IL1RAPL1: variants seen among roughly 807,000 people sequenced by gnomAD.
IL1RAPL1 encodes the protein interleukin-1 receptor accessory protein-like 1.
In IL1RAPL1, 3 loss-of-function variants were observed where a neutral mutation model predicts 48.4. The ratio of observed to expected loss-of-function variants is 0.06; its 90% CI spans 0.03 to 0.16. The LOEUF is 0.16. IL1RAPL1 is among the 10% of genes least tolerant of loss of function. The pLI is 1.00. For synonymous variants in IL1RAPL1, 185 were observed against 187.7 expected (o/e 0.99, Z 0.12); for missense variants, 349 against 530.6 (o/e 0.66, Z 3.36).
At chrX:29,501,555 A>G (rs945313903) in intron 5 of IL1RAPL1, among the ~76,000 whole-genome samples, 2 of 111,255 alleles carry the variant, frequency 1.8e-5, no homozygotes, top group African/African-American at 3.3e-5. Context: ...TCCCAGCGCT[A>G]TTTATTGAAG....
intron 2 of IL1RAPL1, among the ~76,000 whole-genome samples, chrX:28,922,106 G>A (rs1247027407): frequency 9.0e-6 from 1 of 111,692 alleles, no homozygotes; most frequent in African/African-American, 3.3e-5. Context: ...TTCTTGTATT[G>A]TAGTTTGAAA....
At chrX:29,064,276 G>C (rs1033538833) in intron 2 of IL1RAPL1, among the ~76,000 whole-genome samples, 1 of 112,234 alleles carries the variant, frequency 8.9e-6, no homozygotes, top group East Asian at 2.8e-4. Flanking sequence ...AGATGAAGAA[G>C]ACAGTTCTTC....
At chrX:29,052,655 T>A (rs1011389480) in intron 2 of IL1RAPL1, among the ~76,000 whole-genome samples, 1 of 108,222 alleles carries the variant, frequency 9.2e-6, no homozygotes, top group African/African-American at 3.4e-5. Context: ...GTAAGTGAGA[T>A]CATTCAATAT....
At chrX:28,708,907 C>T (rs747873154) in intron 1 of IL1RAPL1, among the ~76,000 whole-genome samples, 5 of 111,124 alleles carry the variant, frequency 4.5e-5, no homozygotes, top group South Asian at 7.6e-4. Context: ...GGTGAATATA[C>T]GTCACAAAAA....
At chrX:29,696,593 A>G (rs776765983) in intron 6 of IL1RAPL1, among the ~76,000 whole-genome samples, 1 of 112,062 alleles carries the variant, frequency 8.9e-6, no homozygotes, top group African/African-American at 3.2e-5. Flanking sequence ...CCTAGCATGG[A>G]AGACATCCTG....
intron 1 of IL1RAPL1, among the ~76,000 whole-genome samples, chrX:28,643,284 G>T (rs181528347): frequency 9.0e-6 from 1 of 110,941 alleles, no homozygotes; most frequent in African/African-American, 3.3e-5. Flanking sequence ...CTTGCCACAC[G>T]GACCTCCCCA....
chrX:29,643,218 A>C (rs146949115), intron 5 of IL1RAPL1, among the ~76,000 whole-genome samples: 1,887 of 112,023 alleles, frequency 0.017, 14 homozygotes, highest in Middle Eastern at 0.032. Context: ...CTTCAAAGTC[A>C]CACTTGTATG....
intron 1 of IL1RAPL1, among the ~76,000 whole-genome samples, chrX:28,601,937 T>C (rs1388528306): frequency 9.1e-6 from 1 of 109,422 alleles, no homozygotes; most frequent in Non-Finnish European, 1.9e-5. Flanking sequence ...AAACCCCGTC[T>C]CTACTAAAAA....
intron 3 of IL1RAPL1, among the ~76,000 whole-genome samples, chrX:29,366,553 ATTTTTTTTTTTTTT>A (rs34164964): frequency 3.0e-4 from 11 of 37,257 alleles, no homozygotes; most frequent in African/African-American, 1.1e-3. Context: ...TGATAGGTCA[ATTTTTTTTTTTTTT>A]TTTTTTTTTT....
In IL1RAPL1 at chrX:29,826,808, C is replaced by G. The variant is rs757438462; in HGVS notation, c.779-90656C>G. ...TAATTGATGAATATTTGTGTTATTT[C>G]AGTGGTTTGGTTTTTGTGAATAATG... On this transcript the variant is annotated intron_variant, in intron 6 of 10. Transcript: ENST00000378993. Among the ~76,000 whole-genome samples the G allele has an allele frequency of 7.2e-5, 8 of 111,650 alleles. No homozygotes were observed. The South Asian group carries it at 1.9e-3, about 26-fold the overall frequency.
chrX:29,121,598 A>G (rs1459393690), intron 2 of IL1RAPL1, among the ~76,000 whole-genome samples: 1 of 112,024 alleles, frequency 8.9e-6, no homozygotes, highest in Non-Finnish European at 1.9e-5. Context: ...AAACAGCAGC[A>G]GCAACAATAA....
intron 1 of IL1RAPL1, among the ~76,000 whole-genome samples, chrX:28,728,930 C>T (rs978602834): frequency 1.3e-4 from 15 of 111,228 alleles, no homozygotes; most frequent in Admixed American, 4.8e-4. Flanking sequence ...CTCTAAAAGT[C>T]TTTTTCCTTA....
At chrX:29,118,793 AT>A (rs1320080132) in intron 2 of IL1RAPL1, among the ~76,000 whole-genome samples, 1 of 111,827 alleles carries the variant, frequency 8.9e-6, no homozygotes, top group Admixed American at 9.6e-5. Flanking sequence ...TTTAAAAAAA[AT>A]GAATTTGTTT....
At chrX:28,637,456 G>A (rs778773980) in intron 1 of IL1RAPL1, among the ~76,000 whole-genome samples, 44 of 111,587 alleles carry the variant, frequency 3.9e-4, no homozygotes, top group Non-Finnish European at 7.3e-4. Flanking sequence ...AATAATGTAA[G>A]CTTCATGCAA....
rs1930621464 is a variant in IL1RAPL1 at position 29,204,394 on chromosome X, T to C, written c.83-78544T>C. ...CTTGCCACCATCCACTGTTTTTGTC[T>C]TTTTGATGATAGCCATTTTAACTGG... On this transcript the variant is annotated intron_variant, in intron 2 of 10. Transcript: ENST00000378993. Among the ~76,000 whole-genome samples, 4 of 111,948 alleles carry C rather than the reference T, an allele frequency of 3.6e-5. No homozygotes were observed. In the South Asian group the frequency reaches 1.5e-3, roughly 42 times the overall value.
intron 2 of IL1RAPL1, among the ~76,000 whole-genome samples, chrX:29,252,132 G>A (rs1361297518): frequency 8.4e-5 from 9 of 107,275 alleles, no homozygotes; most frequent in South Asian, 4.0e-4. Context: ...AGGGGAGGGG[G>A]GAGGGATAGC....
At chrX:29,285,081 T>C (rs1602151693) in intron 3 of IL1RAPL1, among the ~76,000 whole-genome samples, 2 of 112,174 alleles carry the variant, frequency 1.8e-5, no homozygotes, top group East Asian at 5.6e-4. Flanking sequence ...TTGAGTTGGA[T>C]GTCCATAGTA....
chrX:28,781,296 ATTTATT>A (rs1319283090), intron 1 of IL1RAPL1, among the ~76,000 whole-genome samples: 17 of 105,166 alleles, frequency 1.6e-4, no homozygotes, highest in Non-Finnish European at 2.5e-4. Context: ...TTTTTTTTTT[ATTTATT>A]TTTATTTTTA....
intron 3 of IL1RAPL1, among the ~76,000 whole-genome samples, chrX:29,367,301 C>G (rs1299457751): frequency 9.0e-6 from 1 of 111,587 alleles, no homozygotes; most frequent in Non-Finnish European, 1.9e-5. Flanking sequence ...TGAGACAGAA[C>G]AGAGGAGCAA....
Sources: allele counts gnomAD v4.1 joint callset (sites outside exome capture counted in the v4.1 genomes callset), GRCh38; gene constraint gnomAD v4.1.1; transcripts MANE v1.5; gene names NCBI Gene and HGNC (gene_info 2026-07-23, HGNC 2026-07-21).